The following KCTD8 variants were observed in gnomAD, a reference collection of about 807,000 sequenced individuals.
KCTD8 encodes the protein BTB/POZ domain-containing protein KCTD8.
A neutral mutation model predicts 31.5 loss-of-function variants in KCTD8; 27 were observed. That is an observed-to-expected ratio of 0.86 (90% confidence interval 0.63 to 1.18). KCTD8 has a LOEUF of 1.18. Among genes scored for constraint, KCTD8 ranks in the 50% most tolerant of loss-of-function variants. The pLI is 0.00. For missense variants in KCTD8, 658 were observed against 647.7 expected, an observed-to-expected ratio of 1.02 and a Z score of -0.17; for synonymous variants, 290 against 280.0, an observed-to-expected ratio of 1.04 and a Z score of -0.36.
chr4:44,219,862 G>A (rs1378757284), intron 1 of KCTD8, among the ~76,000 whole-genome samples: 2 of 152,214 alleles, frequency 1.3e-5, no homozygotes, highest in East Asian at 3.9e-4. Flanking sequence ...CTGTATCAGC[G>A]AGAATGAAGT....
chr4:44,189,982 T>C (rs754933528), intron 1 of KCTD8, among the ~76,000 whole-genome samples: 1 of 152,166 alleles, frequency 6.6e-6, no homozygotes, highest in Non-Finnish European at 1.5e-5. Flanking sequence ...GTCCTCTTGA[T>C]ACTTTGATAA....
chr4:44,435,509 A>C (rs1045344872), intron 1 of KCTD8, among the ~76,000 whole-genome samples: 2 of 151,990 alleles, frequency 1.3e-5, no homozygotes, highest in African/African-American at 4.8e-5. Flanking sequence ...CTGAAATCCT[A>C]CTTCTTGTAC....
At chr4:44,419,708 G>C (rs1721166542) in intron 1 of KCTD8, among the ~76,000 whole-genome samples, 1 of 151,838 alleles carries the variant, frequency 6.6e-6, no homozygotes, top group South Asian at 2.1e-4. Flanking sequence ...TCGGGGGATG[G>C]GGGGCTGGGG....
intron 1 of KCTD8, among the ~76,000 whole-genome samples, chr4:44,368,571 A>C (rs1298713008): frequency 6.6e-6 from 1 of 152,160 alleles, no homozygotes; most frequent in Non-Finnish European, 1.5e-5. Flanking sequence ...GCTATGCTTT[A>C]GATCCCCTGA....
chr4:44,350,659 AT>A (rs541275950), intron 1 of KCTD8, among the ~76,000 whole-genome samples: 27 of 152,170 alleles, frequency 1.8e-4, no homozygotes, highest in Non-Finnish European at 2.9e-4. Context: ...CAAAAGATAT[AT>A]TTTTTTAAAA....
At chr4:44,179,022 G>C (rs1373928557) in intron 1 of KCTD8, among the ~76,000 whole-genome samples, 1 of 152,164 alleles carries the variant, frequency 6.6e-6, no homozygotes, top group African/African-American at 2.4e-5. Context: ...CCAACTCCAA[G>C]TGGGTGAGGA....
At chr4:44,214,503 G>T (rs929969965) in intron 1 of KCTD8, among the ~76,000 whole-genome samples, 6 of 152,128 alleles carry the variant, frequency 3.9e-5, no homozygotes, top group African/African-American at 1.2e-4. Context: ...ACACAGCTTT[G>T]TATTTTACCA....
At chr4:44,361,426 T>C (rs1055939125) in intron 1 of KCTD8, among the ~76,000 whole-genome samples, 3 of 152,024 alleles carry the variant, frequency 2.0e-5, no homozygotes, top group Admixed American at 2.0e-4. Context: ...TGAGATGGAT[T>C]TGGGTCAGAA....
intron 1 of KCTD8, among the ~76,000 whole-genome samples, chr4:44,204,857 T>C (rs1167382086): frequency 2.0e-5 from 3 of 152,008 alleles, no homozygotes; most frequent in Non-Finnish European, 4.4e-5. Context: ...GTATGGTTTA[T>C]CTAAAACTGG....
intron 1 of KCTD8, among the ~76,000 whole-genome samples, chr4:44,400,777 T>G (rs1720630237): frequency 6.7e-6 from 1 of 149,880 alleles, no homozygotes; most frequent in Admixed American, 6.7e-5. Flanking sequence ...GCAAACTCAA[T>G]CAATCTCTTG....
chr4:44,331,426 C>A (rs1028348946), intron 1 of KCTD8, among the ~76,000 whole-genome samples: 1 of 151,658 alleles, frequency 6.6e-6, no homozygotes, highest in African/African-American at 2.4e-5. Context: ...GAAAATATGT[C>A]TGCCCTATAT....
intron 1 of KCTD8, among the ~76,000 whole-genome samples, chr4:44,289,878 AG>A (rs747630170): frequency 6.6e-6 from 1 of 152,198 alleles, no homozygotes; most frequent in Non-Finnish European, 1.5e-5. Flanking sequence ...AAGAGACTGC[AG>A]GGCCAAATTT....
intron 1 of KCTD8, among the ~76,000 whole-genome samples, chr4:44,205,651 CTGTAG>C (rs1714283196): frequency 6.6e-6 from 1 of 152,124 alleles, no homozygotes; most frequent in Admixed American, 6.5e-5. Flanking sequence ...TAAGTTACCA[CTGTAG>C]TGTTAAGGAG....
chr4:44,248,185 TA>T (rs1261253879), intron 1 of KCTD8, among the ~76,000 whole-genome samples: 1 of 151,930 alleles, frequency 6.6e-6, no homozygotes, highest in Admixed American at 6.6e-5. Context: ...GTAAGCTTTT[TA>T]GTATGACATG....
intron 1 of KCTD8, among the ~76,000 whole-genome samples, chr4:44,420,880 C>A (rs1004643805): frequency 6.6e-6 from 1 of 151,352 alleles, no homozygotes; most frequent in Non-Finnish European, 1.5e-5. Context: ...AAGACTCGAA[C>A]GAAGTTAAAT....
chr4:44,307,024 T>C (rs926519542), intron 1 of KCTD8, among the ~76,000 whole-genome samples: 7 of 152,008 alleles, frequency 4.6e-5, no homozygotes, highest in Non-Finnish European at 8.8e-5. Context: ...CCATCCAATA[T>C]GTAATTAATT....
chr4:44,284,117 G>A (rs955033868), intron 1 of KCTD8, among the ~76,000 whole-genome samples: 2 of 151,206 alleles, frequency 1.3e-5, no homozygotes, highest in African/African-American at 2.4e-5. Flanking sequence ...CACAGAATTC[G>A]AAAAAAAACT....
Position 44,181,252 on chromosome 4 carries a change from GGTCTCCCTCTCCCTCTCTTTCCACC to G in KCTD8, c.962-6027_962-6003del, listed in dbSNP as rs1260440730. On this transcript the variant is annotated intron_variant, in intron 1 of 1. Coordinates refer to ENST00000360029, the MANE Select transcript of KCTD8 (RefSeq NM_198353.3). ...GGTCTCCCTCTCCCTCTCTTTCCACGGTCTCCCTCTCCCTCTCTTTCCACCGTCTCCCTCTGATGCCGAGCCGAGG... is the reference window on the plus strand; with the variant it reads ...GGTCTCCCTCTCCCTCTCTTTCCACGGTCTCCCTCTGATGCCGAGCCGAGG... 5.1e-3 allele frequency among the ~76,000 whole-genome samples: 663 copies of G among 130,216 alleles called. 5 individuals are homozygous for G. Among genetic ancestry groups the G allele is most frequent in the African/African-American group, 0.021 (630 of 29,858 alleles). 85.4% of individuals were successfully genotyped at this position (130,216 alleles called of 152,430 possible).
At chr4:44,260,652 C>T (rs778508304) in intron 1 of KCTD8, among the ~76,000 whole-genome samples, 19 of 151,832 alleles carry the variant, frequency 1.3e-4, no homozygotes, top group Non-Finnish European at 2.2e-4. Context: ...AGCAAAGAGC[C>T]TGCAATGTCA....
Sources: gnomAD v4.1 joint callset for allele counts (sites outside exome capture counted in the v4.1 genomes callset) on GRCh38, gnomAD v4.1.1 for gene constraint, MANE v1.5 for transcripts, NCBI Gene and HGNC (gene_info 2026-07-23, HGNC 2026-07-21) for gene names.